Variants in QARS1 observed in about 807,000 individuals in gnomAD.
The protein encoded by QARS1 is glutaminyl-tRNA synthetase 1.
Under a neutral mutation model 106.9 loss-of-function variants are expected in QARS1, and 79 were observed. That is an observed-to-expected ratio of 0.74 (90% CI 0.62 to 0.89). The LOEUF is 0.89. Ranked by LOEUF, QARS1 falls within the 40% of genes least tolerant of loss-of-function variation. The pLI, the probability that QARS1 is intolerant of heterozygous loss-of-function variation, is 0.00. For missense variants in QARS1, 966 were observed against 997.2 expected (o/e 0.97, Z 0.42); for synonymous variants, 395 against 367.7 (o/e 1.07, Z -0.85).
At position 49,103,429 on chromosome 3, in the gene QARS1, G is replaced by T; in HGVS notation, c.452-20C>A. ...CCTCTCCTAGAAGCATAGGCACAAG[G>T]AGCTGCAGAAAGGCAAAAAAGAGTA... On this transcript the variant is annotated intron_variant, in intron 4 of 23. Coordinates refer to ENST00000306125, the MANE Select transcript of QARS1 (RefSeq NM_005051.3). The T allele has an allele frequency of 6.2e-7, 1 of 1,614,008 alleles. No homozygotes were observed. The highest frequency in any genetic ancestry group is 1.1e-5 in the South Asian group (1 of 91,080).
Position 49,101,858 on chromosome 3 carries a change from G to A in QARS1, c.673C>T (p.Arg225Trp), listed in dbSNP as rs142517070. ...TTGTGGAACTTAAGGGCCTCCCCCC[G>A]GAGCTGCTCCATCAGAGACAGGGTC... ...DQTLSLMEQL[R>W]GEALKFHKPG... The change falls in exon 8 of 24, where the codon CGG (arginine) becomes TGG (tryptophan). Residue 225 changes from arginine (R) to tryptophan (W), a missense_variant. Coordinates refer to ENST00000306125, the MANE Select transcript of QARS1 (RefSeq NM_005051.3). 1,708 of 1,612,400 alleles carry A rather than the reference G, an allele frequency of 1.1e-3. 20 individuals carry two copies. The highest frequency in any genetic ancestry group is 3.3e-4 in the Non-Finnish European group (386 of 1,179,208).
chr3:49,103,020 C>G (rs934815923), intron 5 of QARS1, among the ~76,000 whole-genome samples: 5 of 151,416 alleles, frequency 3.3e-5, no homozygotes, highest in African/African-American at 1.2e-4. Context: ...TGCAGTGGTG[C>G]AATCAGAGCT....
chr3:49,103,907 A>G lies in QARS1; in HGVS notation c.331T>C (p.Cys111Arg). ...PIDTVDFERE[C>R]GVGVIVTPEQ... The stretch of plus-strand genomic sequence containing the variant: ...GGGGTCACAATGACACCCACGCCAC[A>G]TTCCCGCTCGAAGTCCACAGTGTCG... The change falls in exon 3 of 24, where the codon TGT (cysteine) becomes CGT (arginine). Residue 111 changes from cysteine (C) to arginine (R), a missense_variant. Cys to Arg is a radical substitution (Grantham distance 180, BLOSUM62 -3). Transcript: ENST00000306125. 5 of 1,614,014 alleles carry G rather than the reference A, an allele frequency of 3.1e-6. No homozygotes were observed. The South Asian group carries it at 4.4e-5, about 14-fold the overall frequency.
intron 5 of QARS1, 59 bp from the exon 6 acceptor site, chr3:49,102,531 C>G: frequency 6.3e-7 from 1 of 1,596,590 alleles, no homozygotes; most frequent in Non-Finnish European, 8.6e-7. Flanking sequence ...GAGCCCCTGA[C>G]TGATCCTACC....
chr3:49,101,278 A>G (rs571601121), intron 10 of QARS1, 77 bp downstream of exon 10: 2 of 1,158,030 alleles, frequency 1.7e-6, no homozygotes, highest in Admixed American at 4.0e-5. Flanking sequence ...AGCAGACAGC[A>G]AGGCAGGGAT....
rs1241706645 is a variant in QARS1 at position 49,102,250 on chromosome 3, GC to G, written c.585del (p.Leu196Ter). 1.9e-6 allele frequency: 3 copies of G among 1,614,208 alleles called. No homozygotes were observed. Among genetic ancestry groups the G allele is most frequent in the Non-Finnish European group, 2.5e-6 (3 of 1,180,046 alleles). On this transcript the variant is annotated frameshift_variant, in exon 7 of 24. Coordinates refer to ENST00000306125, the MANE Select transcript of QARS1 (RefSeq NM_005051.3). LOFTEE classifies it high-confidence loss of function. ...LEKKFKVAKA[R>X]LEETDRRTAK... is the part of the protein sequence containing the mutation. The stretch of plus-strand genomic sequence containing the variant: ...GCCGTCCTCCGGTCTGTTTCTTCTA[GC>G]CGAGCTTTTGCCACCTGAAAGAAGC...
rs748351582 is a variant in QARS1 at position 49,098,019 on chromosome 3, G to A, written c.2250C>T (p.Ser750=). The A allele has an allele frequency of 1.2e-5, 20 of 1,614,026 alleles. No homozygotes were observed. Among genetic ancestry groups the A allele is most frequent in the Middle Eastern group, 1.6e-4 (1 of 6,084 alleles). ...TTCCCTGATGGCTGTCTGGATCCAC[G>A]GAGAAATATCCAAGACGCTCAAACT... ...KFQFERLGYF[S]VDPDSHQGKL... The change falls in exon 23 of 24, where the codon TCC becomes TCT. Residue 750 remains serine, a synonymous_variant. Coordinates refer to ENST00000306125, the MANE Select transcript of QARS1 (RefSeq NM_005051.3).
Position 49,098,995 on chromosome 3 carries a change from G to GCAGGAGACAGGAGA in QARS1, c.1759-20_1759-7dup, listed in dbSNP as rs781635166. The stretch of plus-strand genomic sequence containing the variant: ...GGCACCTGGATGTCCAAGGACTATA[G>GCAGGAGACAGGAGA]CAGGAGACAGGAGACAGGTATGAGT... On this transcript the variant is annotated splice_region_variant and splice_polypyrimidine_tract_variant and intron_variant, in intron 18 of 23. Transcript: ENST00000306125. 8.7e-6 allele frequency: 14 copies of GCAGGAGACAGGAGA among 1,613,260 alleles called. No homozygotes were observed. The highest frequency in any genetic ancestry group is 7.6e-6 in the Non-Finnish European group (9 of 1,179,328).
chr3:49,103,875 C>G lies in QARS1; in HGVS notation c.363G>C (p.Gln121His). 1.9e-6 allele frequency: 3 copies of G among 1,614,094 alleles called. No homozygotes were observed. The highest frequency in any genetic ancestry group is 2.5e-6 in the Non-Finnish European group (3 of 1,180,004). The change falls in exon 3 of 24, where the codon CAG (glutamine) becomes CAC (histidine). Residue 121 changes from glutamine to histidine, a missense_variant. Coordinates refer to ENST00000306125, the MANE Select transcript of QARS1 (RefSeq NM_005051.3). ...GGGAAAGACTCACAGCCTCCTCAAT[C>G]TGCTCTGGGGTCACAATGACACCCA... The part of the protein sequence containing the change: ...CGVGVIVTPE[Q>H]IEEAVEAAIN...
Position 49,102,241 on chromosome 3 carries a change from T to C in QARS1, c.595A>G (p.Thr199Ala), listed in dbSNP as rs758054672. 1 of 1,614,090 alleles carries C rather than the reference T, an allele frequency of 6.2e-7. No homozygotes were observed. Among genetic ancestry groups the C allele is most frequent in the Non-Finnish European group, 8.5e-7 (1 of 1,180,054 alleles). The change falls in exon 7 of 24, where the codon ACA becomes GCA. Residue 199 changes from threonine to alanine, a missense_variant. Coordinates refer to ENST00000306125, the MANE Select transcript of QARS1 (RefSeq NM_005051.3). ...ACATCCTTTGCCGTCCTCCGGTCTG[T>C]TTCTTCTAGCCGAGCTTTTGCCACC... is the stretch of plus-strand genomic sequence containing the variant. ...FKVAKARLEE[T>A]DRRTAKDVVE...
intron 7 of QARS1, 114 bp from the exon 8 acceptor site, chr3:49,102,013 G>C: frequency 1.1e-5 from 15 of 1,344,468 alleles, no homozygotes; most frequent in Non-Finnish European, 1.5e-5. Context: ...AAGATATCTA[G>C]AGCCAGACAT....
rs2042456866 is a variant in QARS1 at position 49,100,601 on chromosome 3, G to T, written c.950C>A (p.Ala317Asp). The change falls in exon 11 of 24, where the codon GCC becomes GAC. Residue 317 changes from alanine (A) to aspartate (D), a missense_variant. Transcript: ENST00000306125. ...PEKEEAKFFTAICDMVAWLGY... is the reference protein window; with the variant it reads ...PEKEEAKFFTDICDMVAWLGY... ...TAGCCAGGCTACCATGTCACAGATG[G>T]CCGTGAAGAACTTTGCTTCCTCCTT... 1 of 1,608,438 alleles carries T rather than the reference G, an allele frequency of 6.2e-7. No individual in the cohort carries two copies.
Position 49,104,633 on chromosome 3 carries a change from C to A in QARS1, c.101G>T (p.Arg34Leu). Reference sequence around the variant, plus strand: ...GGCTCGCACCTGAGTAGCGGCCTCGCGCAGCTGCGCGCTCAGAGCCGAGTT... The same window carrying A: ...GGCTCGCACCTGAGTAGCGGCCTCGAGCAGCTGCGCGCTCAGAGCCGAGTT... ...LKNSALSAQLREAATQAQQTL... is the reference protein window; with the variant it reads ...LKNSALSAQLLEAATQAQQTL... The change falls in exon 1 of 24, where the codon CGC (arginine) becomes CTC (leucine). Residue 34 changes from arginine (R) to leucine (L), a missense_variant. By Grantham distance (102) the Arg-to-Leu change is moderately radical (BLOSUM62 -2). Coordinates refer to ENST00000306125, the MANE Select transcript of QARS1 (RefSeq NM_005051.3). 6.2e-7 allele frequency: 1 copy of A among 1,604,840 alleles called. No homozygotes were observed. Among genetic ancestry groups the A allele is most frequent in the East Asian group, 2.2e-5 (1 of 44,594 alleles).
chr3:49,099,566 G>C lies in QARS1; in HGVS notation c.1470C>G (p.His490Gln). ...TCTTCCTCTTAGAGACAACAGCATA[G>C]TGCAGGTTGAGGCGGCCATACTCCC... is the stretch of plus-strand genomic sequence containing the variant. ...VQWEYGRLNL[H>Q]YAVVSKRKIL... is the part of the protein sequence containing the mutation. Residue 490 changes from histidine (H) to glutamine (Q), a missense_variant, in exon 16 of 24, where the codon CAC (histidine) becomes CAG (glutamine). His to Gln is a conservative substitution (Grantham distance 24). Transcript: ENST00000306125. 1 of 1,614,200 alleles carries C rather than the reference G, an allele frequency of 6.2e-7. No homozygotes were observed. Among genetic ancestry groups the C allele is most frequent in the South Asian group, 1.1e-5 (1 of 91,088 alleles).
In QARS1 at chr3:49,099,914, A is replaced by G. The variant is rs777732463; in HGVS notation, c.1295+47T>C. On this transcript the variant is annotated intron_variant, in intron 14 of 23. Coordinates refer to ENST00000306125, the MANE Select transcript of QARS1 (RefSeq NM_005051.3). ...CCTACTCTGCCCTACCCCATGGCCC[A>G]TCGCCCTGCTCGGCAGCCCCACCAC... 1.9e-6 allele frequency: 3 copies of G among 1,614,012 alleles called. No homozygotes were observed. The East Asian group carries it at 6.7e-5, about 36-fold the overall frequency.
At position 49,099,109 on chromosome 3, in the gene QARS1, C is replaced by T. The variant is rs767087901; in HGVS notation, c.1758+1G>A. The T allele has an allele frequency of 6.2e-7, 1 of 1,614,182 alleles. No individual in the cohort carries two copies. The highest frequency in any genetic ancestry group is 8.5e-7 in the Non-Finnish European group (1 of 1,180,026). On this transcript the variant is annotated splice_donor_variant, in intron 18 of 23. Coordinates refer to ENST00000306125, the MANE Select transcript of QARS1 (RefSeq NM_005051.3). LOFTEE classifies it high-confidence loss of function. ...TGACACACATGTTGAGGCAGGCCCA[C>T]CTTGGCAGCAGGAAAGTTGGTGATG...
rs144892918 is a variant in QARS1 at position 49,101,650 on chromosome 3, T to C, written c.759A>G (p.Leu253=). 6.2e-7 allele frequency: 1 copy of C among 1,613,926 alleles called. No individual in the cohort carries two copies. The highest frequency in any genetic ancestry group is 1.3e-5 in the African/African-American group (1 of 75,010). The change falls in exon 9 of 24, where the codon CTA becomes CTG. Residue 253 remains leucine (L), a synonymous_variant. Transcript: ENST00000306125. ...CACCAGTAATCTCCAGGTGCTGCTT[T>C]AGTAGATTCATGGTGTGTGGAGTGA... ...YVVTPHTMNL[L]KQHLEITGGQ...
chr3:49,102,629 T>C lies in QARS1; in HGVS notation c.517-157A>G, dbSNP rs1396124073. The C allele has an allele frequency of 6.8e-6, 5 of 737,268 alleles. No individual in the cohort carries two copies. In the East Asian group the frequency reaches 1.4e-4, roughly 20 times the overall value. The allele number at this position is 737,268 out of a possible 1,614,324, so 45.7% of individuals were successfully genotyped here. A position where few individuals can be genotyped will look rare whatever the true frequency, so the allele number is the denominator to read the frequency against. On this transcript the variant is annotated intron_variant, in intron 5 of 23. Coordinates refer to ENST00000306125, the MANE Select transcript of QARS1 (RefSeq NM_005051.3). ...CCCATCTCTTCTCATGTGGGTCTGC[T>C]AGCTTAAAATGCTCTTGCTCTTGTT...
rs2042451657 is a variant in QARS1 at position 49,100,265 on chromosome 3, C to T, written c.1089G>A (p.Glu363=). ...GLAYVCHQRG[E]ELKGHNTLPS... ...GCAGAGTATTATGGCCTTTGAGCTC[C>T]TCTCCTCGCTGGTGGCACACATAAG... Residue 363 remains glutamate, a synonymous_variant, in exon 13 of 24, where the codon GAG becomes GAA. Transcript: ENST00000306125. 2.5e-6 allele frequency: 4 copies of T among 1,614,252 alleles called. No individual in the cohort carries two copies. Among genetic ancestry groups the T allele is most frequent in the African/African-American group, 1.3e-5 (1 of 75,070 alleles).
Sources: gnomAD v4.1 joint callset for allele counts (sites outside exome capture counted in the v4.1 genomes callset) on GRCh38, gnomAD v4.1.1 for gene constraint, MANE v1.5 for transcripts, NCBI Gene and HGNC (gene_info 2026-07-23, HGNC 2026-07-21) for gene names.